COL6A2: variants seen among roughly 807,000 people sequenced by gnomAD.
COL6A2 encodes the protein collagen alpha-2(VI) chain.
A neutral mutation model predicts 124.9 loss-of-function variants in COL6A2; 90 were observed. The ratio of observed to expected loss-of-function variants is 0.72; its 90% CI spans 0.61 to 0.86. The LOEUF is 0.86. COL6A2 is among the 40% of genes least tolerant of loss of function. The pLI is 0.00. For synonymous variants in COL6A2, 793 were observed against 618.2 expected, an observed-to-expected ratio of 1.28 and a Z score of -4.19; for missense variants, 1,607 against 1,502.5, an observed-to-expected ratio of 1.07 and a Z score of -1.15.
chr21:46,119,183 G>A (rs1268066323), intron 14 of COL6A2, 64 bp downstream of exon 14: 53 of 1,275,140 alleles, frequency 4.2e-5, no homozygotes, highest in Non-Finnish European at 5.7e-5. Context: ...GCTTGAGGAG[G>A]ACCATGGGGG....
chr21:46,101,675 C>T lies in COL6A2; in HGVS notation c.-28+3502C>T, dbSNP rs141773705. On this transcript the variant is annotated intron_variant, in intron 1 of 27. Transcript: ENST00000300527. The stretch of plus-strand genomic sequence containing the variant: ...GACTGTCTTTATCGAATGGTCTTGA[C>T]GGCTTGATTGAAAGTCATATATGCA... Among the ~76,000 whole-genome samples the T allele has an allele frequency of 2.5e-3, 386 of 152,142 alleles. 2 individuals carry two copies. Among genetic ancestry groups the T allele is most frequent in the African/African-American group, 8.3e-3 (345 of 41,486 alleles).
At chr21:46,128,573 T>C (rs1244700074) in intron 27 of COL6A2, among the ~76,000 whole-genome samples, 2 of 152,168 alleles carry the variant, frequency 1.3e-5, no homozygotes, top group African/African-American at 4.8e-5. Context: ...AGTTCTCAGT[T>C]GCGTGGGGAC....
At position 46,126,476 on chromosome 21, in the gene COL6A2, T is replaced by TGGCCC. The variant is rs138363207; in HGVS notation, c.2423-22_2423-18dup. 13,176 of 1,611,530 alleles carry TGGCCC rather than the reference T, an allele frequency of 8.2e-3. 543 individuals carry two copies. The highest frequency in any genetic ancestry group is 0.078 in the South Asian group (7,057 of 91,040). ...GGTTCGCTAGGGACTGACCCTGGCCTGGCCCGGCCTCTCTCCTCTCTTCCA... is the reference window on the plus strand; with the variant it reads ...GGTTCGCTAGGGACTGACCCTGGCCTGGCCCGGCCCGGCCTCTCTCCTCTCTTCCA... On this transcript the variant is annotated intron_variant, in intron 26 of 27. Coordinates refer to ENST00000300527, the MANE Select transcript of COL6A2 (RefSeq NM_001849.4).
rs754947548 is a variant in COL6A2, at chr21:46,118,648, C to T, written c.1151C>T (p.Pro384Leu). The T allele has an allele frequency of 5.0e-6, 8 of 1,611,948 alleles. No homozygotes were observed. Among genetic ancestry groups the T allele is most frequent in the Non-Finnish European group, 6.8e-6 (8 of 1,179,718 alleles). The change falls in exon 13 of 28, where the codon CCG (proline) becomes CTG (leucine). Residue 384 changes from proline (P) to leucine (L), a missense_variant. By Grantham distance (98) the Pro-to-Leu change is moderately conservative. Coordinates refer to ENST00000300527, the MANE Select transcript of COL6A2 (RefSeq NM_001849.4). ...DPGRPGRRGP[P>L]GEIGAKGSKG... Reference sequence around the variant, plus strand: ...GGCCGCCCAGGACGCAGAGGGCCCCCGGGAGAAATCGGGGCCAAGGGAAGC... The same window carrying T: ...GGCCGCCCAGGACGCAGAGGGCCCCTGGGAGAAATCGGGGCCAAGGGAAGC...
intron 21 of COL6A2, among the ~76,000 whole-genome samples, chr21:46,123,705 A>ATGAG (rs2078605412): frequency 6.9e-6 from 1 of 144,704 alleles, no homozygotes; most frequent in African/African-American, 2.6e-5. Flanking sequence ...AGGTGGGTAG[A>ATGAG]TGGATGGGTG....
chr21:46,131,217 C>T (rs901708391), intron 27 of COL6A2, among the ~76,000 whole-genome samples: 1 of 152,252 alleles, frequency 6.6e-6, no homozygotes, highest in East Asian at 1.9e-4. Context: ...CGTGTCCTGT[C>T]CTGTGGTCTC....
At chr21:46,113,652 T>A in intron 4 of COL6A2, 1 of 388,104 alleles carries the variant, frequency 2.6e-6, no homozygotes, top group Non-Finnish European at 4.9e-6. Flanking sequence ...CTCTAACTCC[T>A]GGCCTCAAGC....
Position 46,122,093 on chromosome 21 carries a change from A to G in COL6A2, c.1522-15A>G. ...GTCCTATGACCATGCTGACCGACTCAACGTCCTCCTCCAGGGAGACCCCGG... is the reference window on the plus strand; with the variant it reads ...GTCCTATGACCATGCTGACCGACTCGACGTCCTCCTCCAGGGAGACCCCGG... On this transcript the variant is annotated splice_polypyrimidine_tract_variant and intron_variant, in intron 18 of 27. Coordinates refer to ENST00000300527, the MANE Select transcript of COL6A2 (RefSeq NM_001849.4). The G allele has an allele frequency of 6.2e-7, 1 of 1,612,346 alleles. No individual in the cohort carries two copies. Among genetic ancestry groups the G allele is most frequent in the African/African-American group, 1.3e-5 (1 of 74,930 alleles).
At chr21:46,117,837 G>A (rs780892264) in intron 11 of COL6A2, 37 bp from the exon 12 acceptor site, 19 of 1,590,764 alleles carry the variant, frequency 1.2e-5, no homozygotes, top group Middle Eastern at 1.7e-4. Context: ...AACCCCACCC[G>A]CCGTGTGCCG....
chr21:46,122,609 C>A, intron 20 of COL6A2, 78 bp downstream of exon 20: 1 of 1,495,236 alleles, frequency 6.7e-7, no homozygotes, highest in Non-Finnish European at 9.3e-7. Context: ...ACAATGCCCA[C>A]CGTCACTGAC....
chr21:46,117,764 TG>T (rs1483069276), intron 11 of COL6A2, 109 bp from the exon 12 acceptor site: 24 of 1,130,672 alleles, frequency 2.1e-5, no homozygotes, highest in Admixed American at 5.9e-5. Flanking sequence ...GGCCTCACAG[TG>T]AGGGTGGGAG....
intron 19 of COL6A2, 150 bp from the exon 20 acceptor site, chr21:46,122,346 A>G: frequency 7.8e-7 from 1 of 1,275,318 alleles, no homozygotes; most frequent in Non-Finnish European, 1.1e-6. Flanking sequence ...CAGCATCAGG[A>G]AAAGAGCACA....
At chr21:46,110,166 G>GGCCCC (rs1568923882) in intron 1 of COL6A2, among the ~76,000 whole-genome samples, 2 of 152,252 alleles carry the variant, frequency 1.3e-5, no homozygotes, top group East Asian at 3.9e-4. Context: ...CACCCGGCCC[G>GGCCCC]GCCCCATGGC....
rs200801422 is a variant in COL6A2 at position 46,131,924 on chromosome 21, C to T, written c.2462-30C>T. 7.1e-4 allele frequency: 1,105 copies of T among 1,557,074 alleles called. 7 individuals are homozygous for T. The East Asian group carries it at 0.01, about 15-fold the overall frequency. The stretch of plus-strand genomic sequence containing the variant: ...TGCCCGGTCCTGCCCACCTCCCCTC[C>T]GCCCAGCCCGCACCTGCGTCTCCCC... On this transcript the variant is annotated intron_variant, in intron 27 of 27. Transcript: ENST00000300527.
At chr21:46,121,942 G>A (rs1242997634) in intron 18 of COL6A2, among the ~76,000 whole-genome samples, 166 bp from the exon 19 acceptor site, 1 of 152,166 alleles carries the variant, frequency 6.6e-6, no homozygotes, top group Non-Finnish European at 1.5e-5. Context: ...CCCACTGGAG[G>A]TGGACAGGGC....
At position 46,118,626 on chromosome 21, in the gene COL6A2, C is replaced by T. The variant is rs144801620; in HGVS notation, c.1129C>T (p.Arg377Cys). 1.2e-4 allele frequency: 200 copies of T among 1,612,378 alleles called. No homozygotes were observed. The Admixed American group carries it at 1.5e-3, about 12-fold the overall frequency. Reference protein sequence around the residue: ...GDQGGKGDPGRPGRRGPPGEI... With the variant: ...GDQGGKGDPGCPGRRGPPGEI... ...CAAACCCTTCCAGGGGGACCCTGGCCGCCCAGGACGCAGAGGGCCCCCGGG... is the reference window on the plus strand; with the variant it reads ...CAAACCCTTCCAGGGGGACCCTGGCTGCCCAGGACGCAGAGGGCCCCCGGG... The change falls in exon 13 of 28, where the codon CGC becomes TGC. Residue 377 changes from arginine (R) to cysteine (C), a missense_variant. By Grantham distance (180) the Arg-to-Cys change is radical (BLOSUM62 -3). Around this residue, in one of 3 missense-constraint regions of COL6A2, gnomAD observed 1,223 missense variants for 1,052.2 expected, o/e 1.16. Transcript: ENST00000300527.
chr21:46,111,490 C>T lies in COL6A2; in HGVS notation c.14C>T (p.Thr5Ile), dbSNP rs886043160. 1 of 1,612,174 alleles carries T rather than the reference C, an allele frequency of 6.2e-7. No homozygotes were observed. Among genetic ancestry groups the T allele is most frequent in the Non-Finnish European group, 8.5e-7 (1 of 1,179,322 alleles). The change falls in exon 2 of 28, where the codon ACC becomes ATC. Residue 5 changes from threonine (T) to isoleucine (I), a missense_variant. Coordinates refer to ENST00000300527, the MANE Select transcript of COL6A2 (RefSeq NM_001849.4). ...GGTGCTGCCAAGATGCTCCAGGGCACCTGCTCCGTGCTCCTGCTCTGGGGA... is the reference window on the plus strand; with the variant it reads ...GGTGCTGCCAAGATGCTCCAGGGCATCTGCTCCGTGCTCCTGCTCTGGGGA... MLQG[T>I]CSVLLLWGIL...
intron 1 of COL6A2, among the ~76,000 whole-genome samples, chr21:46,103,270 C>A (rs1201424484): frequency 6.6e-6 from 1 of 152,100 alleles, no homozygotes; most frequent in African/African-American, 2.4e-5. Context: ...AGCAATGTTG[C>A]CACTTTCACT....
rs75065972 is a variant in COL6A2 at position 46,119,293 on chromosome 21, A to C, written c.1269+174A>C. ...CCCGGACCACCCCACGGGACCCCCC[A>C]GAGCTGGACTTAGAGGTAAAGCCCA... On this transcript the variant is annotated intron_variant, in intron 14 of 27. Coordinates refer to ENST00000300527, the MANE Select transcript of COL6A2 (RefSeq NM_001849.4). 1.8e-3 allele frequency among the ~76,000 whole-genome samples: 271 copies of C among 152,260 alleles called. 1 individual carries two copies. Among genetic ancestry groups the C allele is most frequent in the African/African-American group, 6.2e-3 (256 of 41,554 alleles).
Sources: allele counts gnomAD v4.1 joint callset (sites outside exome capture counted in the v4.1 genomes callset), GRCh38; gene constraint gnomAD v4.1.1; regional missense constraint gnomAD v4.1.1; transcripts MANE v1.5; gene names NCBI Gene and HGNC (gene_info 2026-07-23, HGNC 2026-07-21).